The following STT3B variants were observed in gnomAD, a reference collection of about 807,000 sequenced individuals.
STT3B encodes the protein dolichyl-diphosphooligosaccharide--protein glycosyltransferase subunit STT3B.
In STT3B, 29 loss-of-function variants were observed where a neutral mutation model predicts 96.8. The ratio of observed to expected loss-of-function variants is 0.30; its 90% confidence interval spans 0.22 to 0.41. STT3B has a LOEUF of 0.41. Ranked by LOEUF, STT3B falls within the 10% of genes least tolerant of loss-of-function variation. The probability of loss-of-function intolerance (pLI) is 1.00; values close to 1 mark genes in which losing one functional copy is unlikely to be tolerated. For synonymous variants in STT3B, 367 were observed against 360.0 expected, an observed-to-expected ratio of 1.02 and a Z score of -0.22; for missense variants, 640 against 1,022.3, an observed-to-expected ratio of 0.63 and a Z score of 5.10.
At chr3:31,602,239 A>G (rs140578278) in intron 5 of STT3B, among the ~76,000 whole-genome samples, 202 of 152,252 alleles carry the variant, frequency 1.3e-3, no homozygotes, top group African/African-American at 4.6e-3. Context: ...GTATTTCTCT[A>G]CCCCAAAAAC....
intron 8 of STT3B, among the ~76,000 whole-genome samples, chr3:31,618,892 AAT>A (rs1699369623): frequency 6.6e-6 from 1 of 152,044 alleles, no homozygotes; most frequent in African/African-American, 2.4e-5. Flanking sequence ...ATAACTGTAA[AAT>A]AAATTATACA....
intron 6 of STT3B, among the ~76,000 whole-genome samples, chr3:31,615,802 A>G (rs1699294245): frequency 6.6e-6 from 1 of 151,952 alleles, no homozygotes; most frequent in Non-Finnish European, 1.5e-5. Context: ...ATGGACTTTT[A>G]AAAACAACCC....
intron 5 of STT3B, among the ~76,000 whole-genome samples, chr3:31,602,474 A>G (rs1698950642): frequency 6.6e-6 from 1 of 152,062 alleles, no homozygotes; most frequent in African/African-American, 2.4e-5. Flanking sequence ...AAATGCCATG[A>G]TTCAGGAAGA....
intron 12 of STT3B, 67 bp from the exon 13 acceptor site, chr3:31,625,887 A>G: frequency 7.1e-7 from 1 of 1,404,594 alleles, no homozygotes; most frequent in Non-Finnish European, 9.6e-7. Flanking sequence ...GTAGTAAAAA[A>G]TATACATTGA....
At chr3:31,631,800 A>G (rs867084904) in intron 14 of STT3B, among the ~76,000 whole-genome samples, 1 of 151,636 alleles carries the variant, frequency 6.6e-6, no homozygotes, top group Non-Finnish European at 1.5e-5. Flanking sequence ...AAAAAAATGG[A>G]AAAAAAAGTT....
rs140810882 is a variant in STT3B, at chr3:31,621,537, TAG to T, written c.1328-557_1328-556del. Among the ~76,000 whole-genome samples, 553 of 152,288 alleles carry T rather than the reference TAG, an allele frequency of 3.6e-3. 5 individuals are homozygous for T. The highest frequency in any genetic ancestry group is 0.011 in the African/African-American group (475 of 41,570). On this transcript the variant is annotated intron_variant, in intron 9 of 15. Transcript: ENST00000295770. ...TACATAGCCTTCAGCCAGAAATAGT[TAG>T]AGTCTTTTCCTGTGGTTAGCACATT...
intron 1 of STT3B, among the ~76,000 whole-genome samples, chr3:31,557,029 A>G (rs1221734002): frequency 6.6e-6 from 1 of 152,162 alleles, no homozygotes; most frequent in Non-Finnish European, 1.5e-5. Context: ...CTTATGTTTA[A>G]GCCTTTAATC....
In STT3B at chr3:31,532,977, A is replaced by G. The variant is rs370375901; in HGVS notation, c.-22A>G. 2 of 1,578,562 alleles carry G rather than the reference A, an allele frequency of 1.3e-6. No homozygotes were observed. ...GCGGCGGCGGCGGAGGAGGAGAGCTAGACCCGCCGCCGGGGCACAACATGG... is the reference window on the plus strand; with the variant it reads ...GCGGCGGCGGCGGAGGAGGAGAGCTGGACCCGCCGCCGGGGCACAACATGG... On this transcript the variant is annotated 5_prime_UTR_variant, in exon 1 of 16. Coordinates refer to ENST00000295770, the MANE Select transcript of STT3B (RefSeq NM_178862.3).
At chr3:31,602,622 T>G (rs965750021) in intron 5 of STT3B, among the ~76,000 whole-genome samples, 56 of 151,704 alleles carry the variant, frequency 3.7e-4, no homozygotes, top group African/African-American at 1.3e-3. Flanking sequence ...TTTCAAAGGA[T>G]TAGAATTTGA....
chr3:31,597,182 C>T (rs113625320), intron 4 of STT3B, among the ~76,000 whole-genome samples: 1,929 of 152,098 alleles, frequency 0.013, 50 homozygotes, highest in African/African-American at 0.042. Flanking sequence ...TATTTTGAGA[C>T]GGAGTTTTGC....
chr3:31,562,726 C>G, intron 1 of STT3B, among the ~76,000 whole-genome samples: 2 of 152,296 alleles, frequency 1.3e-5, no homozygotes, highest in South Asian at 2.1e-4. Context: ...GGAATTTGTC[C>G]TTAGCGCAGG....
intron 1 of STT3B, among the ~76,000 whole-genome samples, chr3:31,537,574 G>T (rs960325699): frequency 6.6e-6 from 1 of 152,098 alleles, no homozygotes; most frequent in East Asian, 1.9e-4. Flanking sequence ...TAGGCCCTAC[G>T]GTAGTTAGGG....
chr3:31,604,429 T>TA (rs1404872846), intron 5 of STT3B, among the ~76,000 whole-genome samples: 1 of 152,032 alleles, frequency 6.6e-6, no homozygotes, highest in African/African-American at 2.4e-5. Flanking sequence ...AGATTGCATG[T>TA]AAAAAATCCA....
Position 31,579,859 on chromosome 3 carries a change from T to C in STT3B, c.474T>C (p.Asn158=), listed in dbSNP as rs779326295. Residue 158 remains asparagine, a synonymous_variant, in exon 3 of 16, where the codon AAT becomes AAC. Transcript: ENST00000295770. ...ITAGLIHWIL[N]TLNITVHIRD... Reference sequence around the variant, plus strand: ...CTGGCCTTATTCATTGGATTTTAAATACATTGAACATAACTGTTCACATAA... The same window carrying C: ...CTGGCCTTATTCATTGGATTTTAAACACATTGAACATAACTGTTCACATAA... 1 of 1,613,864 alleles carries C rather than the reference T, an allele frequency of 6.2e-7. No homozygotes were observed. The highest frequency in any genetic ancestry group is 8.5e-7 in the Non-Finnish European group (1 of 1,179,766).
intron 1 of STT3B, among the ~76,000 whole-genome samples, chr3:31,559,716 G>A (rs905204753): frequency 7.2e-5 from 11 of 152,032 alleles, no homozygotes; most frequent in African/African-American, 2.7e-4. Flanking sequence ...TTTGTCTAAT[G>A]TGCAGTTTAA....
intron 4 of STT3B, among the ~76,000 whole-genome samples, chr3:31,599,659 G>A (rs542685912): frequency 7.9e-5 from 12 of 152,270 alleles, no homozygotes; most frequent in African/African-American, 2.9e-4. Context: ...ATTGACAGGA[G>A]CTTATTACCT....
intron 1 of STT3B, among the ~76,000 whole-genome samples, chr3:31,575,655 C>G (rs1443605695): frequency 1.3e-5 from 2 of 152,018 alleles, no homozygotes; most frequent in African/African-American, 2.4e-5. Flanking sequence ...ACTCACTTGT[C>G]TATGTGTAGT....
At chr3:31,533,375 C>T in intron 1 of STT3B, 63 bp downstream of exon 1, 1 of 1,399,320 alleles carries the variant, frequency 7.1e-7, no homozygotes, top group South Asian at 1.5e-5. Flanking sequence ...CGCTCCTCCG[C>T]CCGCCGCAGC....
intron 1 of STT3B, among the ~76,000 whole-genome samples, chr3:31,534,609 G>C (rs1697038635): frequency 6.6e-6 from 1 of 152,066 alleles, no homozygotes; most frequent in South Asian, 2.1e-4. Context: ...CGGGTGGAGG[G>C]GGGCAGTAAC....
Sources: allele counts gnomAD v4.1 joint callset (sites outside exome capture counted in the v4.1 genomes callset), GRCh38; gene constraint gnomAD v4.1.1; transcripts MANE v1.5; gene names NCBI Gene and HGNC (gene_info 2026-07-23, HGNC 2026-07-21).